NXN: variants seen among roughly 807,000 people sequenced by gnomAD.
The protein encoded by NXN is nucleoredoxin 1.
In NXN, 16 loss-of-function variants were observed where a neutral mutation model predicts 48.6. The ratio of observed to expected loss-of-function variants is 0.33; its 90% CI spans 0.22 to 0.50. The LOEUF (loss-of-function observed/expected upper bound fraction) is 0.50. Among genes scored for constraint, NXN ranks in the 20% least tolerant of loss-of-function variants. NXN has a pLI of 0.98. For missense variants in NXN, 492 were observed against 605.5 expected, an observed-to-expected ratio of 0.81 and a Z score of 1.97; for synonymous variants, 281 against 269.6, an observed-to-expected ratio of 1.04 and a Z score of -0.41.
At position 806,994 on chromosome 17, in the gene NXN, G is replaced by A. The variant is rs559370820; in HGVS notation, c.821-1747C>T. On this transcript the variant is annotated intron_variant, in intron 5 of 7. Transcript: ENST00000336868. ...CGGCCGGCTCTCACTGGGGATTTTC[G>A]GGTGTGCTCAGCGTGGACAGTGCCC... Among the ~76,000 whole-genome samples the A allele has an allele frequency of 9.1e-4, 138 of 152,224 alleles. 2 individuals carry two copies. Among genetic ancestry groups the A allele is most frequent in the African/African-American group, 3.1e-3 (129 of 41,532 alleles).
chr17:856,051 G>A (rs960528027), intron 1 of NXN, among the ~76,000 whole-genome samples: 5 of 152,054 alleles, frequency 3.3e-5, no homozygotes, highest in Admixed American at 1.3e-4. Flanking sequence ...AAATTAGCTG[G>A]GCGTGGTGGC....
At chr17:971,015 C>T (rs1379986434) in intron 1 of NXN, among the ~76,000 whole-genome samples, 2 of 148,414 alleles carry the variant, frequency 1.3e-5, no homozygotes, top group South Asian at 2.1e-4. Flanking sequence ...GGTGCGATCT[C>T]GGCTCAATGC....
At chr17:842,376 G>T in intron 1 of NXN, 2 of 327,338 alleles carry the variant, frequency 6.1e-6, no homozygotes, top group Non-Finnish European at 8.8e-6. Flanking sequence ...AAGCATGAAA[G>T]GCTAAGAAAT....
At chr17:842,379 TAAGA>T (rs1914377687) in intron 1 of NXN, 1 of 342,544 alleles carries the variant, frequency 2.9e-6, no homozygotes, top group Non-Finnish European at 4.1e-6. Context: ...CATGAAAGGC[TAAGA>T]AATGGAAATG....
intron 1 of NXN, among the ~76,000 whole-genome samples, chr17:975,636 C>A (rs2069449170): frequency 6.6e-6 from 1 of 152,242 alleles, no homozygotes. Flanking sequence ...CCTCACAAAA[C>A]TGTCCAGAGG....
In NXN at chr17:886,157, C is replaced by T. The variant is rs367968797; in HGVS notation, c.361-60079G>A. Among the ~76,000 whole-genome samples the T allele has an allele frequency of 1.4e-4, 22 of 152,152 alleles. No homozygotes were observed. The East Asian group carries it at 4.1e-3, about 28-fold the overall frequency. ...AGCCACCCCATTCTGACCACGGGTC[C>T]GGGTTTCTCCACGGAAGCAGCTCCC... On this transcript the variant is annotated intron_variant, in intron 1 of 7. Coordinates refer to ENST00000336868, the MANE Select transcript of NXN (RefSeq NM_022463.5).
chr17:939,808 T>G (rs1221362777), intron 1 of NXN, among the ~76,000 whole-genome samples: 1 of 152,162 alleles, frequency 6.6e-6, no homozygotes, highest in African/African-American at 2.4e-5. Flanking sequence ...AGGAGACTGA[T>G]CCCCCACATG....
rs147940872 is a variant in NXN, at chr17:900,177, A to G, written c.361-74099T>C. Among the ~76,000 whole-genome samples, 1,419 of 151,878 alleles carry G rather than the reference A, an allele frequency of 9.3e-3. 20 individuals are homozygous for G. The highest frequency in any genetic ancestry group is 0.032 in the African/African-American group (1,346 of 41,454). On this transcript the variant is annotated intron_variant, in intron 1 of 7. Transcript: ENST00000336868. ...CTACTTAGGAGGCTGAGGCAGGAGAATCGCTTGAACCCGGGGGGGCAGAGG... is the reference window on the plus strand; with the variant it reads ...CTACTTAGGAGGCTGAGGCAGGAGAGTCGCTTGAACCCGGGGGGGCAGAGG...
intron 5 of NXN, among the ~76,000 whole-genome samples, chr17:813,434 C>T (rs1020923653): frequency 1.3e-5 from 2 of 152,232 alleles, no homozygotes; most frequent in African/African-American, 2.4e-5. Flanking sequence ...ATAGGGCCAT[C>T]GACGCGGACG....
intron 1 of NXN, among the ~76,000 whole-genome samples, chr17:841,509 G>A (rs76745347): frequency 2.5e-4 from 4 of 16,140 alleles, no homozygotes; most frequent in African/African-American, 9.8e-4. Context: ...CATCTCACAC[G>A]GGCGAGCAGG....
In NXN at chr17:819,542, C is replaced by G. The variant is rs532150840; in HGVS notation, c.717G>C (p.Ser239=). 1 of 1,593,244 alleles carries G rather than the reference C, an allele frequency of 6.3e-7. No homozygotes were observed. The highest frequency in any genetic ancestry group is 1.1e-5 in the South Asian group (1 of 89,100). The stretch of plus-strand genomic sequence containing the variant: ...TGAAGTACTGTTTGAAGGACTCCTC[C>G]GACCTACAGAGAGACACACGTGGCG... The part of the protein sequence containing the change: ...FEIIFVSADR[S]EESFKQYFSE... The change falls in exon 5 of 8, where the codon TCG becomes TCC. Residue 239 remains serine, a synonymous_variant. Coordinates refer to ENST00000336868, the MANE Select transcript of NXN (RefSeq NM_022463.5).
intron 1 of NXN, among the ~76,000 whole-genome samples, chr17:949,872 T>C (rs1047759471): frequency 6.6e-6 from 1 of 151,154 alleles, no homozygotes; most frequent in African/African-American, 2.4e-5. Flanking sequence ...CCATGCATTG[T>C]TCAGCCCCAG....
chr17:901,972 T>C (rs1049569094), intron 1 of NXN, among the ~76,000 whole-genome samples: 4 of 152,082 alleles, frequency 2.6e-5, no homozygotes, highest in African/African-American at 9.7e-5. Context: ...AGTGCTGGGA[T>C]TGCAGGTGTG....
chr17:858,870 A>AGGAAGAGCAAATT (rs2068014061), intron 1 of NXN, among the ~76,000 whole-genome samples: 1 of 152,110 alleles, frequency 6.6e-6, no homozygotes, highest in Non-Finnish European at 1.5e-5. Context: ...CTCTTCCCTC[A>AGGAAGAGCAAATT]CTCTGTTAAT....
intron 1 of NXN, among the ~76,000 whole-genome samples, chr17:947,532 A>C (rs998717579): frequency 6.6e-6 from 1 of 151,734 alleles, no homozygotes; most frequent in African/African-American, 2.4e-5. Flanking sequence ...CAGGAGTTCG[A>C]GACCAGCCTG....
chr17:868,875 A>G (rs753047337), intron 1 of NXN, among the ~76,000 whole-genome samples: 14 of 152,214 alleles, frequency 9.2e-5, no homozygotes, highest in Admixed American at 3.9e-4. Flanking sequence ...TGTTTGTAGG[A>G]TAAGTAAATG....
chr17:845,848 C>T (rs1401754949), intron 1 of NXN, among the ~76,000 whole-genome samples: 4 of 152,202 alleles, frequency 2.6e-5, no homozygotes, highest in Non-Finnish European at 5.9e-5. Flanking sequence ...GGAGGCCAGG[C>T]GGTCAGGAAT....
intron 1 of NXN, among the ~76,000 whole-genome samples, chr17:921,521 T>C (rs536464714): frequency 1.1e-3 from 171 of 152,266 alleles, no homozygotes; most frequent in Non-Finnish European, 2.1e-3. Context: ...CCCCTCTGCC[T>C]GCCCCTGAAT....
At chr17:895,851 C>T (rs889081179) in intron 1 of NXN, among the ~76,000 whole-genome samples, 1 of 147,542 alleles carries the variant, frequency 6.8e-6, no homozygotes, top group East Asian at 2.0e-4. Flanking sequence ...TTCCCAACAT[C>T]ATTAATTCTT....
Sources: gnomAD v4.1 joint callset for allele counts (sites outside exome capture counted in the v4.1 genomes callset) on GRCh38, gnomAD v4.1.1 for gene constraint, MANE v1.5 for transcripts, NCBI Gene and HGNC (gene_info 2026-07-23, HGNC 2026-07-21) for gene names.